LNX1: variants seen among roughly 807,000 people sequenced by gnomAD.
LNX1 encodes the protein E3 ubiquitin-protein ligase LNX.
Under a neutral mutation model 68.4 loss-of-function variants are expected in LNX1, and 54 were observed. The observed-to-expected ratio is 0.79, with a 90% confidence interval of 0.63 to 0.99. The LOEUF (loss-of-function observed/expected upper bound fraction) is 0.99, where lower values mean the gene tolerates loss of function less well. LNX1 is among the 50% of genes least tolerant of loss of function. The probability of loss-of-function intolerance (pLI) is 0.00; values close to 1 mark genes in which losing one functional copy is unlikely to be tolerated. For missense variants in LNX1, 906 were observed against 926.4 expected (o/e 0.98, Z 0.29); for synonymous variants, 336 against 350.0 (o/e 0.96, Z 0.45).
Position 53,459,575 on chromosome 4 carries a change from CTT to C in LNX1, c.*1330_*1331del. ...TCTGTTTGTTAGTATGAAAAGTTAA[CTT>C]TTTTTCCAAAATAAAAGAGTGAATT... On this transcript the variant is annotated 3_prime_UTR_variant, in exon 11 of 11. Transcript: ENST00000263925. 7.3e-7 allele frequency: 1 copy of C among 1,368,370 alleles called. No homozygotes were observed. Among genetic ancestry groups the C allele is most frequent in the Non-Finnish European group, 1.0e-6 (1 of 986,024 alleles). 84.8% of individuals were successfully genotyped at this position (1,368,370 alleles called of 1,614,324 possible).
At chr4:53,639,612 T>C (rs1161754748) in intron 1 of LNX1, among the ~76,000 whole-genome samples, 4 of 152,240 alleles carry the variant, frequency 2.6e-5, no homozygotes, top group Non-Finnish European at 5.9e-5. Flanking sequence ...TCATTCTTGC[T>C]AAGTAGAATG....
chr4:53,465,543 A>T (rs1158550576), intron 9 of LNX1, among the ~76,000 whole-genome samples: 1 of 152,222 alleles, frequency 6.6e-6, no homozygotes, highest in African/African-American at 2.4e-5. Flanking sequence ...TACTCCAGAA[A>T]GTTTTACAAT....
At chr4:53,479,622 T>C (rs188783222) in intron 7 of LNX1, among the ~76,000 whole-genome samples, 3 of 123,222 alleles carry the variant, frequency 2.4e-5, no homozygotes, top group Non-Finnish European at 3.8e-5. Context: ...GAGTTACGTA[T>C]GAAAGAGATG....
intron 1 of LNX1, among the ~76,000 whole-genome samples, chr4:53,637,387 G>A (rs1467483713): frequency 6.6e-6 from 1 of 151,838 alleles, no homozygotes; most frequent in African/African-American, 2.4e-5. Context: ...GGGGTCCATG[G>A]TGCAGCTCTT....
chr4:53,543,880 GAAT>G (rs1398119171), intron 2 of LNX1, among the ~76,000 whole-genome samples: 2 of 151,406 alleles, frequency 1.3e-5, no homozygotes, highest in African/African-American at 4.8e-5. Flanking sequence ...CTAAGCAACT[GAAT>G]GGGGGATTAA....
intron 2 of LNX1, among the ~76,000 whole-genome samples, chr4:53,527,458 C>A (rs559842152): frequency 6.6e-6 from 1 of 152,158 alleles, no homozygotes; most frequent in East Asian, 1.9e-4. Flanking sequence ...TTAGTCTCTA[C>A]GAGCCTGGTG....
At chr4:53,570,883 T>A (rs1337109871) in intron 2 of LNX1, among the ~76,000 whole-genome samples, 2 of 151,804 alleles carry the variant, frequency 1.3e-5, no homozygotes, top group African/African-American at 4.8e-5. Context: ...AAAAATTAGC[T>A]GTGCGTGGTG....
At chr4:53,550,179 C>T (rs575493158) in intron 2 of LNX1, among the ~76,000 whole-genome samples, 42 of 152,296 alleles carry the variant, frequency 2.8e-4, no homozygotes, top group Admixed American at 1.4e-3. Context: ...GAGGGCCATG[C>T]GGCTTCAATT....
intron 2 of LNX1, among the ~76,000 whole-genome samples, chr4:53,563,537 C>CA (rs1730424518): frequency 7.0e-6 from 1 of 142,574 alleles, no homozygotes; most frequent in Non-Finnish European, 1.5e-5. Flanking sequence ...GCTTCAAATT[C>CA]TTTTTTTTTT....
intron 2 of LNX1, among the ~76,000 whole-genome samples, chr4:53,608,186 C>A (rs1387934767): frequency 6.6e-6 from 1 of 152,174 alleles, no homozygotes; most frequent in African/African-American, 2.4e-5. Context: ...AGACAGCCTA[C>A]AGTATGGGAG....
intron 2 of LNX1, among the ~76,000 whole-genome samples, chr4:53,569,199 T>C (rs1367459351): frequency 6.6e-5 from 10 of 152,200 alleles, no homozygotes; most frequent in East Asian, 3.9e-4. Context: ...GAGCCCCCAT[T>C]GCCAAGTCAA....
chr4:53,461,017 T>C lies in LNX1; in HGVS notation c.2077A>G (p.Asn693Asp), dbSNP rs1206237508. The part of the protein sequence containing the change: ...IRCGDILLAV[N>D]GRSTSGMIHA... Reference sequence around the variant, plus strand: ...ATCATTCCTGATGTACTTCTACCATTGACAGCAAGAAGAATATCACCACAT... The same window carrying C: ...ATCATTCCTGATGTACTTCTACCATCGACAGCAAGAAGAATATCACCACAT... Residue 693 changes from asparagine (N) to aspartate (D), a missense_variant, in exon 11 of 11, where the codon AAT becomes GAT. By Grantham distance (23) the Asn-to-Asp change is conservative. Coordinates refer to ENST00000263925, the MANE Select transcript of LNX1 (RefSeq NM_001126328.3). 1 of 1,587,390 alleles carries C rather than the reference T, an allele frequency of 6.3e-7. No homozygotes were observed. Among genetic ancestry groups the C allele is most frequent in the Admixed American group, 1.9e-5 (1 of 52,312 alleles).
intron 2 of LNX1, among the ~76,000 whole-genome samples, chr4:53,570,901 C>T (rs1156398610): frequency 6.6e-6 from 1 of 151,794 alleles, no homozygotes; most frequent in Non-Finnish European, 1.5e-5. Flanking sequence ...GTGGTGGGCA[C>T]CTGTAGTCCC....
Position 53,520,580 on chromosome 4 carries a change from A to G in LNX1, c.381-12353T>C, listed in dbSNP as rs549663389. On this transcript the variant is annotated intron_variant, in intron 2 of 10. Transcript: ENST00000263925. ...TGAGTTTTCTGTTATCTGTCCATGC[A>G]TTCAAGTGTGTATGTGATGTGATGG... Among the ~76,000 whole-genome samples the G allele has an allele frequency of 9.2e-5, 14 of 152,234 alleles. No homozygotes were observed. The East Asian group carries it at 2.3e-3, about 25-fold the overall frequency.
chr4:53,590,509 G>A (rs1362800265), intron 1 of LNX1, among the ~76,000 whole-genome samples: 1 of 54,038 alleles, frequency 1.9e-5, no homozygotes, highest in Non-Finnish European at 4.2e-5. Flanking sequence ...CTATTGGGCT[G>A]TCAAGATACA....
chr4:53,639,931 G>C (rs1577823132), intron 1 of LNX1, among the ~76,000 whole-genome samples: 1 of 152,246 alleles, frequency 6.6e-6, no homozygotes, highest in East Asian at 1.9e-4. Flanking sequence ...TACTTGGGAG[G>C]CTGAGGCACA....
At chr4:53,609,929 T>A (rs1396764273) in intron 2 of LNX1, among the ~76,000 whole-genome samples, 2 of 151,470 alleles carry the variant, frequency 1.3e-5, no homozygotes, top group African/African-American at 4.8e-5. Flanking sequence ...GTAAATCATT[T>A]AATGCTCACA....
chr4:53,524,120 G>A (rs964287572), intron 2 of LNX1: 6 of 152,074 alleles, frequency 3.9e-5, no homozygotes, highest in African/African-American at 7.2e-5. Context: ...AATATGTTTC[G>A]AGGAGATATG....
chr4:53,600,581 T>C (rs1732955740), intron 2 of LNX1, among the ~76,000 whole-genome samples: 1 of 152,198 alleles, frequency 6.6e-6, no homozygotes, highest in Admixed American at 6.5e-5. Context: ...AGAAGGACTC[T>C]CAGTCAGATT....
Sources: gnomAD v4.1 joint callset for allele counts (sites outside exome capture counted in the v4.1 genomes callset) on GRCh38, gnomAD v4.1.1 for gene constraint, MANE v1.5 for transcripts, NCBI Gene and HGNC (gene_info 2026-07-23, HGNC 2026-07-21) for gene names.